The following SPPL2A variants were observed in gnomAD, a reference collection of about 807,000 sequenced individuals.
SPPL2A encodes signal peptide peptidase like 2A.
A neutral mutation model predicts 63.8 loss-of-function variants in SPPL2A; 51 were observed. The ratio of observed to expected loss-of-function variants is 0.80; its 90% confidence interval spans 0.64 to 1.01. SPPL2A has a LOEUF of 1.01. Ranked by LOEUF, SPPL2A falls within the 50% of genes least tolerant of loss-of-function variation. SPPL2A has a pLI of 0.00. For synonymous variants in SPPL2A, 188 were observed against 205.8 expected (o/e 0.91, Z 0.74); for missense variants, 553 against 622.7 (o/e 0.89, Z 1.19).
chr15:50,706,017 A>T lies in SPPL2A; in HGVS notation c.*1783T>A, dbSNP rs1043892307. 30 of 152,300 alleles carry T rather than the reference A, an allele frequency of 2.0e-4. No individual in the cohort carries two copies. Among genetic ancestry groups the T allele is most frequent in the African/African-American group, 6.5e-4 (27 of 41,568 alleles). 9.4% of individuals were successfully genotyped at this position (152,300 alleles called of 1,614,324 possible). On this transcript the variant is annotated 3_prime_UTR_variant, in exon 15 of 15. Coordinates refer to ENST00000261854, the MANE Select transcript of SPPL2A (RefSeq NM_032802.4). ...TTCAGGCCACATCTAAAATTTACCA[A>T]AGAATGGGGAAAAAACTTTTTTCAA...
In SPPL2A at chr15:50,732,664, T is replaced by A; in HGVS notation, c.953A>T (p.Asp318Val). The change falls in exon 9 of 15, where the codon GAT becomes GTT. Residue 318 changes from aspartate to valine, a missense_variant. By Grantham distance (152) the Asp-to-Val change is radical. Transcript: ENST00000261854. Reference sequence around the variant, plus strand: ...CAGACAGAAAGCAATCCCCAAGATATCCTGTAAAATCCAAGCCCACCTAAA... The same window carrying A: ...CAGACAGAAAGCAATCCCCAAGATAACCTGTAAAATCCAAGCCCACCTAAA... Reference protein sequence around the residue: ...NEDRWAWILQDILGIAFCLNL... With the variant: ...NEDRWAWILQVILGIAFCLNL... 1 of 1,610,578 alleles carries A rather than the reference T, an allele frequency of 6.2e-7. No homozygotes were observed. Among genetic ancestry groups the A allele is most frequent in the Admixed American group, 1.7e-5 (1 of 59,858 alleles).
At chr15:50,727,355 ATCT>A (rs1423594680) in intron 10 of SPPL2A, among the ~76,000 whole-genome samples, 1 of 152,186 alleles carries the variant, frequency 6.6e-6, no homozygotes, top group Non-Finnish European at 1.5e-5. Context: ...AGCTGCAGAA[ATCT>A]TCTGCGCATG....
intron 14 of SPPL2A, among the ~76,000 whole-genome samples, chr15:50,712,677 C>A (rs868029265): frequency 2.5e-4 from 34 of 133,816 alleles, no homozygotes; most frequent in African/African-American, 7.7e-4. Context: ...CCCTCCCCCC[C>A]CCTTTTTTTT....
intron 14 of SPPL2A, among the ~76,000 whole-genome samples, chr15:50,710,964 C>T (rs1009942632): frequency 6.6e-6 from 1 of 152,128 alleles, no homozygotes; most frequent in African/African-American, 2.4e-5. Context: ...AAAATGATGA[C>T]TCCTTTTCAT....
chr15:50,742,435 C>G (rs2062829864), intron 5 of SPPL2A, among the ~76,000 whole-genome samples: 1 of 152,010 alleles, frequency 6.6e-6, no homozygotes, highest in African/African-American at 2.4e-5. Context: ...AGTCTTTCTA[C>G]AGAACCCAGG....
At chr15:50,756,269 G>A (rs1274658678) in intron 1 of SPPL2A, among the ~76,000 whole-genome samples, 2 of 150,634 alleles carry the variant, frequency 1.3e-5, no homozygotes, top group Admixed American at 1.3e-4. Context: ...GCTGAGGCAG[G>A]AGAATGGCGT....
At chr15:50,717,715 G>T (rs1057157799) in intron 14 of SPPL2A, among the ~76,000 whole-genome samples, 2 of 152,074 alleles carry the variant, frequency 1.3e-5, no homozygotes, top group African/African-American at 4.8e-5. Flanking sequence ...TCTAGCATGT[G>T]CCATGTTCTC....
intron 1 of SPPL2A, among the ~76,000 whole-genome samples, chr15:50,751,825 TTTTG>T (rs958838388): frequency 1.3e-4 from 20 of 152,276 alleles, no homozygotes; most frequent in African/African-American, 3.6e-4. Flanking sequence ...TGTTTTTTTC[TTTTG>T]TTTGTTTTTT....
Position 50,736,643 on chromosome 15 carries a change from C to G in SPPL2A, c.830+1G>C, listed in dbSNP as rs143931739. 2.7e-6 allele frequency: 4 copies of G among 1,505,662 alleles called. No individual in the cohort carries two copies. The highest frequency in any genetic ancestry group is 1.2e-5 in the South Asian group (1 of 86,582). The allele number at this position is 1,505,662 out of a possible 1,614,324, so 93.3% of individuals were successfully genotyped here. On this transcript the variant is annotated splice_donor_variant, in intron 7 of 14. Coordinates refer to ENST00000261854, the MANE Select transcript of SPPL2A (RefSeq NM_032802.4). LOFTEE classifies it high-confidence loss of function. ...TAAGATTTCCTGTAAGAGATACGTA[C>G]GTGCATTGTCCATATGGTATCTTAT...
intron 5 of SPPL2A, among the ~76,000 whole-genome samples, chr15:50,745,904 A>AGCCAGGCATGGT (rs2062853746): frequency 6.6e-6 from 1 of 151,820 alleles, no homozygotes; most frequent in African/African-American, 2.4e-5. Context: ...CACAAAAACT[A>AGCCAGGCATGGT]GCCAGGCATG....
intron 14 of SPPL2A, among the ~76,000 whole-genome samples, chr15:50,717,233 G>A (rs1015744470): frequency 2.6e-5 from 4 of 152,152 alleles, no homozygotes; most frequent in African/African-American, 9.7e-5. Flanking sequence ...TGAGTGCAGT[G>A]GTGCAATCAT....
At chr15:50,713,203 T>G (rs1370047974) in intron 14 of SPPL2A, among the ~76,000 whole-genome samples, 3 of 151,990 alleles carry the variant, frequency 2.0e-5, no homozygotes, top group African/African-American at 7.2e-5. Flanking sequence ...AATAATTTTG[T>G]AAAGGCATTA....
At chr15:50,746,082 T>C (rs1272262922) in intron 5 of SPPL2A, among the ~76,000 whole-genome samples, 1 of 151,478 alleles carries the variant, frequency 6.6e-6, no homozygotes, top group Non-Finnish European at 1.5e-5. Flanking sequence ...TAATTTTTAA[T>C]GTGAGAAATC....
At chr15:50,756,127 G>A (rs1487234597) in intron 1 of SPPL2A, among the ~76,000 whole-genome samples, 8 of 151,752 alleles carry the variant, frequency 5.3e-5, no homozygotes, top group African/African-American at 1.7e-4. Context: ...TTGGGAGGCC[G>A]AGGTGGGCAG....
At chr15:50,728,969 G>A (rs1488755602) in intron 10 of SPPL2A, among the ~76,000 whole-genome samples, 1 of 151,902 alleles carries the variant, frequency 6.6e-6, no homozygotes, top group Non-Finnish European at 1.5e-5. Flanking sequence ...GCCCACCACT[G>A]TGCCTGGCAA....
chr15:50,726,020 CT>C (rs2062684791), intron 11 of SPPL2A: 1 of 1,183,308 alleles, frequency 8.5e-7, no homozygotes, highest in Non-Finnish European at 1.1e-6. Flanking sequence ...AGAGTCTTGT[CT>C]CAGAGGGTAT....
chr15:50,754,008 G>A (rs1282847061), intron 1 of SPPL2A, among the ~76,000 whole-genome samples: 2 of 152,196 alleles, frequency 1.3e-5, no homozygotes, highest in African/African-American at 4.8e-5. Flanking sequence ...TGTTGGCCAG[G>A]CTGGTCTCAA....
intron 1 of SPPL2A, among the ~76,000 whole-genome samples, chr15:50,753,413 A>G (rs1248584329): frequency 6.6e-6 from 1 of 152,232 alleles, no homozygotes; most frequent in Non-Finnish European, 1.5e-5. Flanking sequence ...GATATTGCAT[A>G]GCTTCGAAAA....
intron 1 of SPPL2A, among the ~76,000 whole-genome samples, chr15:50,763,873 G>C (rs1334178028): frequency 1.3e-5 from 2 of 152,130 alleles, no homozygotes; most frequent in Admixed American, 1.3e-4. Flanking sequence ...ACTCCAGCCT[G>C]GGCGACAGAG....
Sources: gnomAD v4.1 joint callset for allele counts (sites outside exome capture counted in the v4.1 genomes callset) on GRCh38, gnomAD v4.1.1 for gene constraint, MANE v1.5 for transcripts, NCBI Gene and HGNC (gene_info 2026-07-23, HGNC 2026-07-21) for gene names.